The following RGS10 variants were observed in gnomAD, a reference collection of about 807,000 sequenced individuals.
RGS10 encodes regulator of G protein signaling 10, also known as regulator of G-protein signalling 10.
A neutral mutation model predicts 23.5 loss-of-function variants in RGS10; 11 were observed. That is an observed-to-expected ratio of 0.47 (90% CI 0.29 to 0.77). The LOEUF is 0.77. Among genes scored for constraint, RGS10 ranks in the 30% least tolerant of loss-of-function variants. The pLI is 0.08. For missense variants in RGS10, 180 were observed against 226.3 expected, an observed-to-expected ratio of 0.80 and a Z score of 1.31; for synonymous variants, 77 against 83.2, an observed-to-expected ratio of 0.92 and a Z score of 0.41.
chr10:119,505,517 G>A (rs1192283810), intron 4 of RGS10, among the ~76,000 whole-genome samples: 1 of 151,942 alleles, frequency 6.6e-6, no homozygotes, highest in Non-Finnish European at 1.5e-5. Flanking sequence ...CTGCAGATGT[G>A]CAACTCTGCA....
intron 4 of RGS10, among the ~76,000 whole-genome samples, chr10:119,500,740 T>C (rs1843943041): frequency 6.6e-6 from 1 of 150,644 alleles, no homozygotes; most frequent in Non-Finnish European, 1.5e-5. Context: ...CAAACAAACC[T>C]ATTATTGTAC....
intron 1 of RGS10, among the ~76,000 whole-genome samples, chr10:119,533,112 C>T (rs1205377327): frequency 6.8e-6 from 1 of 147,820 alleles, no homozygotes; most frequent in East Asian, 2.0e-4. Context: ...AATCCCAGCA[C>T]TTTAGGAGGC....
intron 1 of RGS10, among the ~76,000 whole-genome samples, chr10:119,532,959 G>A (rs1164001730): frequency 2.0e-5 from 3 of 150,040 alleles, no homozygotes; most frequent in African/African-American, 4.9e-5. Flanking sequence ...AGGATCACTC[G>A]AGCCCAGGAA....
Position 119,518,591 on chromosome 10 carries a change from C to T in RGS10, c.256-2939G>A, listed in dbSNP as rs533176355. On this transcript the variant is annotated intron_variant, in intron 3 of 4. Transcript: ENST00000369103. ...ACCAGGGGCCCAAAGCTCAGAAGAG[C>T]GCTGCTTCCCACACTGGCCCCGCCC... Among the ~76,000 whole-genome samples, 26 of 152,268 alleles carry T rather than the reference C, an allele frequency of 1.7e-4. No homozygotes were observed. The South Asian group carries it at 2.1e-3, about 12-fold the overall frequency.
At chr10:119,501,298 A>C (rs1461248491) in intron 4 of RGS10, among the ~76,000 whole-genome samples, 1 of 152,226 alleles carries the variant, frequency 6.6e-6, no homozygotes, top group Non-Finnish European at 1.5e-5. Context: ...TACACGGAAC[A>C]ACCAAGTGGA....
intron 4 of RGS10, among the ~76,000 whole-genome samples, chr10:119,514,037 C>T (rs1844111108): frequency 6.6e-6 from 1 of 152,266 alleles, no homozygotes; most frequent in African/African-American, 2.4e-5. Flanking sequence ...CCAAGTGTGA[C>T]ATCAGGCTCA....
intron 4 of RGS10, among the ~76,000 whole-genome samples, chr10:119,513,895 C>G (rs1844107948): frequency 6.6e-6 from 1 of 152,236 alleles, no homozygotes; most frequent in African/African-American, 2.4e-5. Context: ...AAGAGGGAAT[C>G]TGGCTTCCAG....
rs748202813 is a variant in RGS10 at position 119,515,502 on chromosome 10, G to A, written c.399+7C>T. ...AAATCAAGGTGCAGGCAGGGAAGTC[G>A]GGTTACCTGGTCCTGGAGTTTCTGG... On this transcript the variant is annotated splice_region_variant and intron_variant, in intron 4 of 4. Transcript: ENST00000369103. The A allele has an allele frequency of 3.1e-5, 50 of 1,613,894 alleles. No homozygotes were observed. The highest frequency in any genetic ancestry group is 1.8e-4 in the South Asian group (16 of 91,056).
At chr10:119,522,492 G>C (rs903394803) in intron 3 of RGS10, among the ~76,000 whole-genome samples, 1 of 152,180 alleles carries the variant, frequency 6.6e-6, no homozygotes, top group Admixed American at 6.5e-5. Context: ...GCCGAGGCGG[G>C]TGGATCATCT....
intron 3 of RGS10, among the ~76,000 whole-genome samples, chr10:119,518,813 T>C (rs1844176209): frequency 6.6e-6 from 1 of 151,776 alleles, no homozygotes; most frequent in Admixed American, 6.6e-5. Flanking sequence ...CAAGCAATTC[T>C]CCTGCTTCAA....
chr10:119,528,726 T>G (rs1844304199), intron 1 of RGS10, among the ~76,000 whole-genome samples: 1 of 151,838 alleles, frequency 6.6e-6, no homozygotes, highest in Non-Finnish European at 1.5e-5. Flanking sequence ...CCCAGCTCCT[T>G]GAGAGGCTGA....
chr10:119,504,527 G>A (rs1843988381), intron 4 of RGS10, among the ~76,000 whole-genome samples: 1 of 152,184 alleles, frequency 6.6e-6, no homozygotes, highest in Non-Finnish European at 1.5e-5. Flanking sequence ...GAAACAATAT[G>A]TCCCCAAAGG....
chr10:119,518,298 G>C (rs11198986), intron 3 of RGS10, among the ~76,000 whole-genome samples: 1 of 152,238 alleles, frequency 6.6e-6, no homozygotes, highest in Admixed American at 6.5e-5. Flanking sequence ...AGCATCTGAG[G>C]CTGTCCTGGC....
At chr10:119,522,488 G>A (rs1475586618) in intron 3 of RGS10, among the ~76,000 whole-genome samples, 1 of 152,170 alleles carries the variant, frequency 6.6e-6, no homozygotes, top group East Asian at 1.9e-4. Flanking sequence ...AAAGGCCGAG[G>A]CGGGTGGATC....
At position 119,538,360 on chromosome 10, in the gene RGS10, T is replaced by C. The variant is rs1472099574; in HGVS notation, c.49+4230A>G. Among the ~76,000 whole-genome samples, 1 of 152,154 alleles carries C rather than the reference T, an allele frequency of 6.6e-6. No individual in the cohort carries two copies. The highest frequency in any genetic ancestry group is 1.5e-5 in the Non-Finnish European group (1 of 68,014). On this transcript the variant is annotated intron_variant, in intron 1 of 4. Transcript: ENST00000369103. This position sits in a 1 kb window ranked among gnomAD's most constrained non-coding sequence, Gnocchi z 4.5. ...TGCCCCTTAGTGGCCTCTGCAGCCC[T>C]TGAGGGAGAAATGAAATGGTTCCCT...
At chr10:119,529,533 G>C (rs1281095235) in intron 1 of RGS10, among the ~76,000 whole-genome samples, 1 of 152,148 alleles carries the variant, frequency 6.6e-6, no homozygotes, top group African/African-American at 2.4e-5. Flanking sequence ...AAATTCTTGT[G>C]TATATTTGAA....
chr10:119,526,815 G>A lies in RGS10; in HGVS notation c.168+491C>T, dbSNP rs181359978. Reference sequence around the variant, plus strand: ...CACATATGGTCCTCCATCTGGCACCGGGGGCTTCTGCTGGTCAGAAAAGCT... The same window carrying A: ...CACATATGGTCCTCCATCTGGCACCAGGGGCTTCTGCTGGTCAGAAAAGCT... On this transcript the variant is annotated intron_variant, in intron 2 of 4. Transcript: ENST00000369103. Among the ~76,000 whole-genome samples the A allele has an allele frequency of 1.8e-4, 28 of 151,986 alleles. No individual in the cohort carries two copies. The South Asian group carries it at 5.0e-3, about 27-fold the overall frequency.
intron 3 of RGS10, among the ~76,000 whole-genome samples, chr10:119,520,046 G>A (rs531029258): frequency 6.6e-6 from 1 of 152,100 alleles, no homozygotes; most frequent in Non-Finnish European, 1.5e-5. Context: ...TGGAAACTTC[G>A]ATCCCCTGTA....
At chr10:119,504,062 G>A (rs1275157630) in intron 4 of RGS10, among the ~76,000 whole-genome samples, 1 of 152,230 alleles carries the variant, frequency 6.6e-6, no homozygotes, top group Admixed American at 6.5e-5. Context: ...CGCATGGCAG[G>A]ACAATAAAAA....
Sources: allele counts gnomAD v4.1 joint callset (sites outside exome capture counted in the v4.1 genomes callset), GRCh38; gene constraint gnomAD v4.1.1; non-coding constraint Gnocchi (gnomAD v3.1); transcripts MANE v1.5; gene names NCBI Gene and HGNC (gene_info 2026-07-23, HGNC 2026-07-21).